COLQ: variants seen among roughly 807,000 people sequenced by gnomAD.
The protein encoded by COLQ is acetylcholinesterase collagenic tail peptide.
Under a neutral mutation model 69.0 loss-of-function variants are expected in COLQ, and 48 were observed. The observed-to-expected ratio is 0.70, with a 90% CI of 0.55 to 0.88. The LOEUF is 0.88. COLQ is among the 40% of genes least tolerant of loss of function. The probability of loss-of-function intolerance (pLI) is 0.00; values close to 1 mark genes in which losing one functional copy is unlikely to be tolerated. For missense variants in COLQ, 618 were observed against 594.6 expected (o/e 1.04, Z -0.41); for synonymous variants, 217 against 211.2 (o/e 1.03, Z -0.24).
At chr3:15,470,372 C>T (rs1356502166) in intron 11 of COLQ, among the ~76,000 whole-genome samples, 164 bp downstream of exon 11, 1 of 152,152 alleles carries the variant, frequency 6.6e-6, no homozygotes, top group Non-Finnish European at 1.5e-5. Flanking sequence ...CCTAGAGATG[C>T]CAGCAGCTTC....
intron 5 of COLQ, among the ~76,000 whole-genome samples, chr3:15,478,147 G>C (rs2062412946): frequency 6.6e-6 from 1 of 152,196 alleles, no homozygotes; most frequent in Non-Finnish European, 1.5e-5. Context: ...TTAGGCCTGA[G>C]CATGGACACC....
chr3:15,492,532 T>C (rs931662993), intron 1 of COLQ, among the ~76,000 whole-genome samples: 49 of 152,130 alleles, frequency 3.2e-4, no homozygotes, highest in African/African-American at 1.1e-3. Flanking sequence ...CCGGGCGTAG[T>C]GGTGGGCGCC....
chr3:15,497,086 C>G (rs1316166618), intron 1 of COLQ, among the ~76,000 whole-genome samples: 1 of 145,318 alleles, frequency 6.9e-6, no homozygotes, highest in Non-Finnish European at 1.5e-5. Flanking sequence ...CTCTATTGCC[C>G]AGGCTGGAGT....
At position 15,456,500 on chromosome 3, in the gene COLQ, G is replaced by A. The variant is rs868541965; in HGVS notation, c.1034C>T (p.Ser345Phe). 6.2e-7 allele frequency: 1 copy of A among 1,614,220 alleles called. No homozygotes were observed. Among genetic ancestry groups the A allele is most frequent in the East Asian group, 2.2e-5 (1 of 44,888 alleles). The change falls in exon 14 of 17, where the codon TCT becomes TTT. Residue 345 changes from serine (S) to phenylalanine (F), a missense_variant. Physicochemically the swap from Ser to Phe is radical, Grantham distance 155. Transcript: ENST00000383788. ...NAIAFRRDQRSLYFKDSLGWL... is the reference protein window; with the variant it reads ...NAIAFRRDQRFLYFKDSLGWL... ...GCCAAGGCTGTCCTTGAAGTACAGA[G>A]ATCTCTGGTCTCTGCGGAAGGCAAT...
At position 15,470,747 on chromosome 3, in the gene COLQ, C is replaced by T. The variant is rs2062269853; in HGVS notation, c.637-131G>A. 5 of 845,216 alleles carry T rather than the reference C, an allele frequency of 5.9e-6. No homozygotes were observed. In the South Asian group the frequency reaches 6.8e-5, roughly 11 times the overall value. 52.4% of individuals were successfully genotyped at this position (845,216 alleles called of 1,614,324 possible). A position where few individuals can be genotyped will look rare whatever the true frequency, so the allele number is the denominator to read the frequency against. ...TTCCGAATCTATGCCAACTGGGCTG[C>T]CCTGCAAGGTTAGCAGAGTGAGGAA... On this transcript the variant is annotated intron_variant, in intron 10 of 16. Coordinates refer to ENST00000383788, the MANE Select transcript of COLQ (RefSeq NM_005677.4).
intron 11 of COLQ, chr3:15,468,043 C>A: frequency 2.2e-6 from 1 of 446,164 alleles, no homozygotes; most frequent in South Asian, 1.6e-5. Flanking sequence ...GGAAGTCACA[C>A]ATCTTAATAT....
intron 12 of COLQ, among the ~76,000 whole-genome samples, chr3:15,461,740 G>A (rs911417256): frequency 1.3e-5 from 2 of 152,142 alleles, no homozygotes; most frequent in Non-Finnish European, 2.9e-5. Flanking sequence ...TCTCTAAGGG[G>A]AGGGTAGGAC....
intron 15 of COLQ, among the ~76,000 whole-genome samples, 192 bp from the exon 16 acceptor site, chr3:15,454,123 CAAG>C (rs954024724): frequency 2.2e-4 from 33 of 152,160 alleles, no homozygotes; most frequent in African/African-American, 7.7e-4. Flanking sequence ...TGCCATGGGA[CAAG>C]AAGAAGGAGA....
chr3:15,473,874 T>C lies in COLQ; in HGVS notation c.636+126A>G, dbSNP rs1275349989. The C allele has an allele frequency of 1.1e-5, 12 of 1,090,246 alleles. No homozygotes were observed. The highest frequency in any genetic ancestry group is 1.1e-4 in the South Asian group (8 of 74,892). 67.5% of individuals were successfully genotyped at this position (1,090,246 alleles called of 1,614,324 possible). ...AAGCAACTTGCTTCCCGTCCCAAAA[T>C]AGAAGTTTCCATGGTTAAACCCACC... On this transcript the variant is annotated intron_variant, in intron 10 of 16. Coordinates refer to ENST00000383788, the MANE Select transcript of COLQ (RefSeq NM_005677.4). The surrounding 1 kb of genome is among the most constrained non-coding windows in gnomAD (Gnocchi z 4.0).
In COLQ at chr3:15,451,331, C is replaced by T. The variant is rs565997789; in HGVS notation, c.*313G>A. Reference sequence around the variant, plus strand: ...GTCTAACAGTGCTCAGCCAAGTCCACGGCCTGGGTCAGCAACATTCCAGAA... The same window carrying T: ...GTCTAACAGTGCTCAGCCAAGTCCATGGCCTGGGTCAGCAACATTCCAGAA... On this transcript the variant is annotated 3_prime_UTR_variant, in exon 17 of 17. Transcript: ENST00000383788. 17 of 509,250 alleles carry T rather than the reference C, an allele frequency of 3.3e-5. No homozygotes were observed. Among genetic ancestry groups the T allele is most frequent in the South Asian group, 2.1e-4 (11 of 51,700 alleles). 31.5% of individuals were successfully genotyped at this position (509,250 alleles called of 1,614,324 possible).
chr3:15,499,006 AAGCC>A, intron 1 of COLQ: 3 of 1,082,086 alleles, frequency 2.8e-6, no homozygotes, highest in Non-Finnish European at 3.4e-6. Flanking sequence ...CTGCTCTGGT[AAGCC>A]TCAAAGTCAA....
rs1271577818 is a variant in COLQ, at chr3:15,473,499, T to C, written c.636+501A>G. Among the ~76,000 whole-genome samples the C allele has an allele frequency of 2.0e-5, 3 of 152,186 alleles. No individual in the cohort carries two copies. The highest frequency in any genetic ancestry group is 4.4e-5 in the Non-Finnish European group (3 of 68,036). On this transcript the variant is annotated intron_variant, in intron 10 of 16. Coordinates refer to ENST00000383788, the MANE Select transcript of COLQ (RefSeq NM_005677.4). This position sits in a 1 kb window ranked among gnomAD's most constrained non-coding sequence, Gnocchi z 4.0. Reference sequence around the variant, plus strand: ...AATACAAAATTTAACTCTTAAACAATGTTAGCAGTCTTCAGTTCAAATACT... The same window carrying C: ...AATACAAAATTTAACTCTTAAACAACGTTAGCAGTCTTCAGTTCAAATACT...
intron 12 of COLQ, among the ~76,000 whole-genome samples, chr3:15,460,801 A>C (rs1007191034): frequency 6.6e-6 from 1 of 152,198 alleles, no homozygotes; most frequent in Non-Finnish European, 1.5e-5. Flanking sequence ...CAGGGAATCC[A>C]CCAGGCTAGG....
chr3:15,507,110 T>G (rs1395761213), intron 1 of COLQ, among the ~76,000 whole-genome samples: 1 of 152,064 alleles, frequency 6.6e-6, no homozygotes, highest in Non-Finnish European at 1.5e-5. Flanking sequence ...CACTTTCTTT[T>G]CTATGGCTGC....
chr3:15,492,870 T>C (rs1450467058), intron 1 of COLQ, among the ~76,000 whole-genome samples: 1 of 152,130 alleles, frequency 6.6e-6, no homozygotes, highest in Non-Finnish European at 1.5e-5. Context: ...CAACCAAAAA[T>C]ACCTTGAAAA....
chr3:15,458,207 G>A lies in COLQ; in HGVS notation c.933C>T (p.Pro311=), dbSNP rs2062051919. The change falls in exon 13 of 17, where the codon CCC becomes CCT. Residue 311 remains proline, a synonymous_variant. Transcript: ENST00000383788. ...NPSYGESVYG[P]SSPRVPVIFV... ...TTACCACAGGAACTCGCGGGGAACT[G>A]GGCCCATACACAGATTCCCCGTAGG... 1 of 1,613,940 alleles carries A rather than the reference G, an allele frequency of 6.2e-7. No homozygotes were observed. Among genetic ancestry groups the A allele is most frequent in the East Asian group, 2.2e-5 (1 of 44,878 alleles).
chr3:15,472,447 A>AT (rs2062303607), intron 10 of COLQ, among the ~76,000 whole-genome samples: 1 of 152,238 alleles, frequency 6.6e-6, no homozygotes, highest in Non-Finnish European at 1.5e-5. Flanking sequence ...AAAAGGTAAG[A>AT]TAAAAATTGT....
At chr3:15,507,748 C>T (rs2062930995) in intron 1 of COLQ, among the ~76,000 whole-genome samples, 1 of 152,208 alleles carries the variant, frequency 6.6e-6, no homozygotes, top group Non-Finnish European at 1.5e-5. Flanking sequence ...AGCCACTGCA[C>T]CTAGCCTTCA....
intron 11 of COLQ, among the ~76,000 whole-genome samples, chr3:15,469,717 G>C (rs1476177803): frequency 2.0e-5 from 3 of 152,166 alleles, no homozygotes; most frequent in Non-Finnish European, 4.4e-5. Context: ...TTATATTATG[G>C]TCTTTGGAAA....
Sources: gnomAD v4.1 joint callset for allele counts (sites outside exome capture counted in the v4.1 genomes callset) on GRCh38, gnomAD v4.1.1 for gene constraint, Gnocchi (gnomAD v3.1) non-coding constraint, MANE v1.5 for transcripts, NCBI Gene and HGNC (gene_info 2026-07-23, HGNC 2026-07-21) for gene names.